THSD7B: variants seen among roughly 807,000 people sequenced by gnomAD.
THSD7B encodes the protein thrombospondin type 1 domain containing 7B, also known as thrombospondin type-1 domain-containing protein 7B.
A neutral mutation model predicts 213.6 loss-of-function variants in THSD7B; 138 were observed. The observed-to-expected ratio is 0.65, with a 90% CI of 0.56 to 0.74. The LOEUF (loss-of-function observed/expected upper bound fraction) is 0.74, where lower values mean the gene tolerates loss of function less well. Among genes scored for constraint, THSD7B ranks in the 30% least tolerant of loss-of-function variants. THSD7B has a pLI of 0.00. For missense variants in THSD7B, 1,931 were observed against 1,991.5 expected (o/e 0.97, Z 0.58); for synonymous variants, 742 against 687.0 (o/e 1.08, Z -1.25).
chr2:137,305,663 ACTACCTTC>A (rs1683723737), intron 12 of THSD7B, among the ~76,000 whole-genome samples: 1 of 152,146 alleles, frequency 6.6e-6, no homozygotes, highest in Non-Finnish European at 1.5e-5. Flanking sequence ...CCAAAGTCCT[ACTACCTTC>A]CTTACCCCTT....
chr2:136,830,242 G>A (rs1354565304), intron 1 of THSD7B, among the ~76,000 whole-genome samples: 1 of 152,000 alleles, frequency 6.6e-6, no homozygotes, highest in African/African-American at 2.4e-5. Flanking sequence ...CGTAATCAAG[G>A]GTGCAGATGT....
chr2:137,022,012 T>G (rs1686453620), intron 2 of THSD7B, among the ~76,000 whole-genome samples: 1 of 152,188 alleles, frequency 6.6e-6, no homozygotes, highest in African/African-American at 2.4e-5. Flanking sequence ...TGCTGTTACA[T>G]GTATCAATAG....
intron 1 of THSD7B, among the ~76,000 whole-genome samples, chr2:136,842,075 G>A (rs17663760): frequency 6.6e-6 from 1 of 152,296 alleles, no homozygotes; most frequent in Non-Finnish European, 1.5e-5. Flanking sequence ...CTCTGAGGCA[G>A]CTACGTCTGT....
intron 5 of THSD7B, among the ~76,000 whole-genome samples, chr2:137,123,382 T>C (rs1274619115): frequency 6.6e-5 from 10 of 152,172 alleles, no homozygotes; most frequent in Non-Finnish European, 1.5e-4. Flanking sequence ...TTTTATCATG[T>C]ACAATTTCTT....
chr2:137,271,090 G>A (rs1028814999), intron 10 of THSD7B, among the ~76,000 whole-genome samples: 29 of 151,508 alleles, frequency 1.9e-4, no homozygotes, highest in Admixed American at 7.3e-4. Flanking sequence ...TCATTGTGCT[G>A]GCTTTCTATA....
At chr2:137,578,310 T>A (rs899468727) in intron 17 of THSD7B, among the ~76,000 whole-genome samples, 10 of 152,138 alleles carry the variant, frequency 6.6e-5, no homozygotes. Context: ...CCTCCTGGAG[T>A]TCTTAGCTAA....
intron 15 of THSD7B, among the ~76,000 whole-genome samples, chr2:137,545,182 C>G (rs1298868945): frequency 6.6e-6 from 1 of 151,842 alleles, no homozygotes; most frequent in Non-Finnish European, 1.5e-5. Context: ...ATTTCATCAA[C>G]TTCGTATTTT....
At chr2:137,669,664 A>G (rs1683521428) in intron 27 of THSD7B, among the ~76,000 whole-genome samples, 2 of 152,190 alleles carry the variant, frequency 1.3e-5, no homozygotes, top group South Asian at 4.1e-4. Flanking sequence ...CAGTAGGCCA[A>G]CCCAGTGTAA....
chr2:136,980,360 T>A (rs562143881), intron 2 of THSD7B, among the ~76,000 whole-genome samples: 125 of 152,256 alleles, frequency 8.2e-4, no homozygotes, highest in Non-Finnish European at 1.6e-3. Flanking sequence ...ATTAAGTCCA[T>A]TGAACTGGAG....
chr2:137,122,813 C>G (rs750809483), intron 5 of THSD7B, among the ~76,000 whole-genome samples: 32 of 152,074 alleles, frequency 2.1e-4, no homozygotes, highest in Non-Finnish European at 3.7e-4. Flanking sequence ...CAGACCTGTA[C>G]CTGGATAACC....
At chr2:136,863,100 T>C (rs1225973081) in intron 1 of THSD7B, among the ~76,000 whole-genome samples, 3 of 152,232 alleles carry the variant, frequency 2.0e-5, no homozygotes, top group Non-Finnish European at 4.4e-5. Context: ...AAAGTCTTCT[T>C]GAAGTCATTC....
intron 7 of THSD7B, among the ~76,000 whole-genome samples, chr2:137,184,199 G>A (rs1372157269): frequency 1.3e-5 from 2 of 152,114 alleles, no homozygotes; most frequent in Non-Finnish European, 2.9e-5. Flanking sequence ...CTGTGTCCTC[G>A]TATGGTGAAA....
chr2:137,078,806 CT>C (rs1242076554), intron 3 of THSD7B, among the ~76,000 whole-genome samples: 2 of 151,888 alleles, frequency 1.3e-5, no homozygotes, highest in East Asian at 1.9e-4. Context: ...TATTATCATA[CT>C]TTTTTTTCCC....
At chr2:136,940,164 C>T (rs1254337969) in intron 2 of THSD7B, among the ~76,000 whole-genome samples, 3 of 152,000 alleles carry the variant, frequency 2.0e-5, no homozygotes, top group Non-Finnish European at 4.4e-5. Flanking sequence ...CATCCCTCAC[C>T]CCCCAACCTA....
At chr2:136,834,954 C>T (rs183237616) in intron 1 of THSD7B, among the ~76,000 whole-genome samples, 4 of 151,916 alleles carry the variant, frequency 2.6e-5, no homozygotes, top group Admixed American at 6.5e-5. Flanking sequence ...CTTTTTTTCC[C>T]TCATAAAACC....
chr2:137,659,225 C>T (rs2104819865), intron 24 of THSD7B, among the ~76,000 whole-genome samples: 1 of 152,290 alleles, frequency 6.6e-6, no homozygotes, highest in East Asian at 1.9e-4. Context: ...TCATGGCATT[C>T]TTTTAGCATT....
intron 12 of THSD7B, among the ~76,000 whole-genome samples, chr2:137,287,552 T>C (rs1219792501): frequency 1.3e-5 from 2 of 152,112 alleles, no homozygotes; most frequent in African/African-American, 4.8e-5. Context: ...TGATGATAAA[T>C]TAAAAATAAA....
intron 2 of THSD7B, among the ~76,000 whole-genome samples, chr2:136,888,131 C>T (rs1365671060): frequency 6.6e-6 from 1 of 152,102 alleles, no homozygotes; most frequent in African/African-American, 2.4e-5. Flanking sequence ...GATATGTGCA[C>T]TTTATTAATA....
At chr2:137,551,289 T>A (rs1320863971) in intron 15 of THSD7B, among the ~76,000 whole-genome samples, 1 of 152,146 alleles carries the variant, frequency 6.6e-6, no homozygotes, top group South Asian at 2.1e-4. Flanking sequence ...GAAGACCTTA[T>A]ACTCTTTCTT....
Sources: gnomAD v4.1 joint callset for allele counts (sites outside exome capture counted in the v4.1 genomes callset) on GRCh38, gnomAD v4.1.1 for gene constraint, MANE v1.5 for transcripts, NCBI Gene and HGNC (gene_info 2026-07-23, HGNC 2026-07-21) for gene names.